EXD3: variants seen among roughly 807,000 people sequenced by gnomAD.
EXD3 encodes the protein exonuclease 3'-5' domain containing 3.
EXD3 carries 92 observed loss-of-function variants against 98.0 expected under a neutral mutation model. That is an observed-to-expected ratio of 0.94 (90% CI 0.79 to 1.12). The LOEUF is 1.12. Among genes scored for constraint, EXD3 ranks in the 50% most tolerant of loss-of-function variants. The pLI is 0.00. For missense variants in EXD3, 1,222 were observed against 1,191.6 expected, an observed-to-expected ratio of 1.03 and a Z score of -0.38; for synonymous variants, 569 against 526.0, an observed-to-expected ratio of 1.08 and a Z score of -1.12.
chr9:137,397,635 A>G (rs1249715896), intron 1 of EXD3, among the ~76,000 whole-genome samples: 3 of 152,252 alleles, frequency 2.0e-5, no homozygotes, highest in Non-Finnish European at 4.4e-5. Flanking sequence ...ACTTTAACAC[A>G]ACGATTTCAA....
Position 137,395,893 on chromosome 9 carries a change from G to A in EXD3, c.-47-489C>T, listed in dbSNP as rs1837195484. ...AGTACGCAGCTCCGTAAGACTCCAG[G>A]CGGCCGCTGACAGCTCTCATCCCAG... On this transcript the variant is annotated intron_variant, in intron 1 of 21. Coordinates refer to ENST00000340951, the MANE Select transcript of EXD3 (RefSeq NM_017820.5). The surrounding 1 kb of genome is among the most constrained non-coding windows in gnomAD (Gnocchi z 6.5). Among the ~76,000 whole-genome samples, 2 of 152,114 alleles carry A rather than the reference G, an allele frequency of 1.3e-5. No homozygotes were observed. Among genetic ancestry groups the A allele is most frequent in the Admixed American group, 1.3e-4 (2 of 15,276 alleles).
At position 137,324,021 on chromosome 9, in the gene EXD3, G is replaced by A; in HGVS notation, c.2052+69C>T. The A allele has an allele frequency of 6.5e-7, 1 of 1,540,096 alleles. No homozygotes were observed. Among genetic ancestry groups the A allele is most frequent in the African/African-American group, 1.4e-5 (1 of 73,086 alleles). The stretch of plus-strand genomic sequence containing the variant: ...ACGGCAAGCTGACCCTGAGGTGGGG[G>A]TGGCCGAGGGGCTGGGGGCTTGGGA... On this transcript the variant is annotated intron_variant, in intron 18 of 21. Transcript: ENST00000340951. This position sits in a 1 kb window ranked among gnomAD's most constrained non-coding sequence, Gnocchi z 4.1.
In EXD3 at chr9:137,395,249, C is replaced by A. The variant is rs1175350857; in HGVS notation, c.55+54G>T. On this transcript the variant is annotated intron_variant, in intron 2 of 21. Transcript: ENST00000340951. This position sits in a 1 kb window ranked among gnomAD's most constrained non-coding sequence, Gnocchi z 6.5. ...CGCCACCACCCCCCATGCACACCCA[C>A]GCACCTCCCCCCACAGCCCCAGGGA... The A allele has an allele frequency of 2.6e-6, 4 of 1,525,868 alleles. No individual in the cohort carries two copies. The highest frequency in any genetic ancestry group is 3.6e-6 in the Non-Finnish European group (4 of 1,101,158). 94.5% of individuals were successfully genotyped at this position (1,525,868 alleles called of 1,614,324 possible).
chr9:137,389,909 G>A (rs190973499), intron 2 of EXD3, among the ~76,000 whole-genome samples: 1,554 of 151,682 alleles, frequency 0.01, 15 homozygotes, highest in Admixed American at 0.037. Flanking sequence ...ATCACCTGAG[G>A]TCAGGAGTTC....
intron 3 of EXD3, among the ~76,000 whole-genome samples, chr9:137,376,093 C>T (rs1453880419): frequency 6.6e-6 from 1 of 151,984 alleles, no homozygotes; most frequent in Non-Finnish European, 1.5e-5. Flanking sequence ...GCCTGTAATC[C>T]CAGCACTTTG....
intron 8 of EXD3, among the ~76,000 whole-genome samples, chr9:137,355,527 T>TGGAGGAA (rs1834641557): frequency 1.3e-4 from 2 of 15,822 alleles, no homozygotes; most frequent in African/African-American, 2.7e-4. Context: ...GGAAGGAGGA[T>TGGAGGAA]GGAGGAAGGA....
At chr9:137,373,367 A>G (rs1055295045) in intron 4 of EXD3, 59 bp downstream of exon 4, 2 of 1,568,718 alleles carry the variant, frequency 1.3e-6, no homozygotes, top group African/African-American at 2.7e-5. Context: ...TGCCGGGTCC[A>G]CTATGCTGAG....
At chr9:137,321,176 C>T (rs967574288) in intron 19 of EXD3, among the ~76,000 whole-genome samples, 1 of 152,250 alleles carries the variant, frequency 6.6e-6, no homozygotes, top group Non-Finnish European at 1.5e-5. Flanking sequence ...TCAATCCCCG[C>T]CAGGCCCAGC....
At chr9:137,396,271 G>A (rs1018443234) in intron 1 of EXD3, among the ~76,000 whole-genome samples, 3 of 151,808 alleles carry the variant, frequency 2.0e-5, no homozygotes, top group Admixed American at 6.6e-5. Flanking sequence ...CCTGGCCCCT[G>A]GGAGTGTTTT....
chr9:137,352,993 A>G (rs1467801239), intron 10 of EXD3: 2 of 1,389,494 alleles, frequency 1.4e-6, no homozygotes, highest in East Asian at 2.9e-5. Context: ...AGAGGTGCTG[A>G]GGCAAAGGCT....
intron 3 of EXD3, among the ~76,000 whole-genome samples, chr9:137,378,960 C>A (rs1836062628): frequency 7.9e-6 from 1 of 127,342 alleles, no homozygotes; most frequent in Admixed American, 8.2e-5. Flanking sequence ...GTGACGGTGA[C>A]CATTGCCTGG....
In EXD3 at chr9:137,354,094, G is replaced by A. The variant is rs1834471398; in HGVS notation, c.870+245C>T. 10 of 1,256,858 alleles carry A rather than the reference G, an allele frequency of 8.0e-6. 1 individual carries two copies. Among genetic ancestry groups the A allele is most frequent in the South Asian group, 3.0e-5 (1 of 33,354 alleles). 77.9% of individuals were successfully genotyped at this position (1,256,858 alleles called of 1,614,324 possible). A position where few individuals can be genotyped will look rare whatever the true frequency, so the allele number is the denominator to read the frequency against. On this transcript the variant is annotated intron_variant, in intron 10 of 21. Coordinates refer to ENST00000340951, the MANE Select transcript of EXD3 (RefSeq NM_017820.5). ...CTGGGTTGGTTCGGGTGGCACGGAC[G>A]CTGCCGTCTGCCTGGAACGAGGCCC...
intron 19 of EXD3, among the ~76,000 whole-genome samples, chr9:137,315,928 C>A (rs560080288): frequency 6.6e-6 from 1 of 151,486 alleles, no homozygotes; most frequent in South Asian, 2.1e-4. Flanking sequence ...GGGGCGCCCC[C>A]ACACCGTCCC....
chr9:137,363,783 T>C (rs778859210), intron 7 of EXD3, among the ~76,000 whole-genome samples: 10 of 152,180 alleles, frequency 6.6e-5, no homozygotes, highest in Non-Finnish European at 1.3e-4. Context: ...GTTCTGTTTT[T>C]GCTAGTGTCA....
intron 10 of EXD3, chr9:137,354,072 G>T: frequency 2.4e-6 from 3 of 1,229,376 alleles, no homozygotes; most frequent in East Asian, 3.3e-5. Context: ...AGCTCCGCTG[G>T]GTTGGTTCGG....
rs747488901 is a variant in EXD3, at chr9:137,323,710, G to A, written c.2184+15C>T. 6 of 1,610,520 alleles carry A rather than the reference G, an allele frequency of 3.7e-6. No individual in the cohort carries two copies. Among genetic ancestry groups the A allele is most frequent in the Non-Finnish European group, 4.2e-6 (5 of 1,178,816 alleles). On this transcript the variant is annotated intron_variant, in intron 19 of 21. Transcript: ENST00000340951. ...TTGTGCCAGCCCCAGGTAGGACGGG[G>A]TGCGCAGGACCCACCTGGCAGCGGC...
intron 19 of EXD3, among the ~76,000 whole-genome samples, chr9:137,321,129 C>G (rs754056163): frequency 4.6e-5 from 7 of 152,374 alleles, no homozygotes; most frequent in African/African-American, 1.7e-4. Flanking sequence ...GCTGCAGATC[C>G]GAGCCGAGCC....
At chr9:137,369,270 C>G (rs1327134206) in intron 5 of EXD3, among the ~76,000 whole-genome samples, 1 of 152,032 alleles carries the variant, frequency 6.6e-6, no homozygotes, top group Non-Finnish European at 1.5e-5. Context: ...CAGGGGCCAC[C>G]ACATGGGGAC....
intron 13 of EXD3, 65 bp from the exon 14 acceptor site, chr9:137,351,212 A>T (rs1834282058): frequency 6.5e-7 from 1 of 1,533,986 alleles, no homozygotes; most frequent in Admixed American, 2.0e-5. Flanking sequence ...CCCTGACCCC[A>T]GGGTGCACCC....
Sources: allele counts gnomAD v4.1 joint callset (sites outside exome capture counted in the v4.1 genomes callset), GRCh38; gene constraint gnomAD v4.1.1; non-coding constraint Gnocchi (gnomAD v3.1); transcripts MANE v1.5; gene names NCBI Gene and HGNC (gene_info 2026-07-23, HGNC 2026-07-21).